The following FBH1 variants were observed in gnomAD, a reference collection of about 807,000 sequenced individuals.
FBH1 encodes F-box DNA helicase 1, also known as DNA 3'-5' helicase 1.
In FBH1, 43 loss-of-function variants were observed where a neutral mutation model predicts 115.5. The observed-to-expected ratio is 0.37, with a 90% CI of 0.29 to 0.48. The LOEUF (loss-of-function observed/expected upper bound fraction) is 0.48. FBH1 is among the 20% of genes least tolerant of loss of function. The pLI is 0.99. For synonymous variants in FBH1, 524 were observed against 507.8 expected (o/e 1.03, Z -0.43); for missense variants, 1,001 against 1,337.3 (o/e 0.75, Z 3.92).
rs1355863591 is a variant in FBH1, at chr10:5,913,093, G to C, written c.1212-654G>C. Among the ~76,000 whole-genome samples the C allele has an allele frequency of 1.3e-5, 2 of 152,106 alleles. No homozygotes were observed. The highest frequency in any genetic ancestry group is 4.8e-5 in the African/African-American group (2 of 41,408). On this transcript the variant is annotated intron_variant, in intron 6 of 20. Transcript: ENST00000362091. The surrounding 1 kb of genome is among the most constrained non-coding windows in gnomAD (Gnocchi z 4.4). ...CACAGTCCAGGGGAGACTTGGAGAG[G>C]CTTTGGAACGGCGTGTGCCAGCTGA...
rs1833071410 is a variant in FBH1, at chr10:5,933,252, G to A, written c.2830-3204G>A. Among the ~76,000 whole-genome samples, 1 of 152,152 alleles carries A rather than the reference G, an allele frequency of 6.6e-6. No individual in the cohort carries two copies. The highest frequency in any genetic ancestry group is 2.4e-5 in the African/African-American group (1 of 41,450). On this transcript the variant is annotated intron_variant, in intron 19 of 20. Coordinates refer to ENST00000362091, the MANE Select transcript of FBH1 (RefSeq NM_178150.3). The surrounding 1 kb of genome is among the most constrained non-coding windows in gnomAD (Gnocchi z 4.9). ...AAAATACAAAAATTAGCTGGGTGTA[G>A]TGGCGTATGCCTGTAATCCCAGCTA...
At position 5,925,211 on chromosome 10, in the gene FBH1, C is replaced by T. The variant is rs2132072612; in HGVS notation, c.2597-156C>T. On this transcript the variant is annotated intron_variant, in intron 17 of 20. Transcript: ENST00000362091. This position sits in a 1 kb window ranked among gnomAD's most constrained non-coding sequence, Gnocchi z 4.6. Reference sequence around the variant, plus strand: ...TTTCTGTTCCCGACAGTTGTCTGTTCCCGACAGTTGTTTCCTCTTTCCCCC... The same window carrying T: ...TTTCTGTTCCCGACAGTTGTCTGTTTCCGACAGTTGTTTCCTCTTTCCCCC... The T allele has an allele frequency of 1.2e-6, 1 of 867,316 alleles. No homozygotes were observed. The highest frequency in any genetic ancestry group is 1.7e-6 in the Non-Finnish European group (1 of 575,228). 53.7% of individuals were successfully genotyped at this position (867,316 alleles called of 1,614,324 possible). A position where few individuals can be genotyped will look rare whatever the true frequency, so the allele number is the denominator to read the frequency against.
At position 5,918,210 on chromosome 10, in the gene FBH1, T is replaced by C. The variant is rs1013762201; in HGVS notation, c.1964-132T>C. On this transcript the variant is annotated intron_variant, in intron 12 of 20. Coordinates refer to ENST00000362091, the MANE Select transcript of FBH1 (RefSeq NM_178150.3). This position sits in a 1 kb window ranked among gnomAD's most constrained non-coding sequence, Gnocchi z 4.0. ...GGCTGCTTTTGATGGAGTGTGCCTG[T>C]CCTACAGGAAAAGGCGACCGTGAGG... is the stretch of plus-strand genomic sequence containing the variant. 6 of 1,015,226 alleles carry C rather than the reference T, an allele frequency of 5.9e-6. No homozygotes were observed. The highest frequency in any genetic ancestry group is 4.9e-5 in the African/African-American group (3 of 60,990). The allele number at this position is 1,015,226 out of a possible 1,614,324, so 62.9% of individuals were successfully genotyped here.
At chr10:5,927,814 G>A (rs1465236134) in intron 19 of FBH1, among the ~76,000 whole-genome samples, 2 of 151,930 alleles carry the variant, frequency 1.3e-5, no homozygotes, top group East Asian at 3.9e-4. Context: ...GCTTATGCCT[G>A]TAATCCCAGC....
chr10:5,906,182 T>C lies in FBH1; in HGVS notation c.303T>C (p.Cys101=). 1.2e-6 allele frequency: 2 copies of C among 1,613,802 alleles called. No homozygotes were observed. Among genetic ancestry groups the C allele is most frequent in the Non-Finnish European group, 1.7e-6 (2 of 1,179,870 alleles). The change falls in exon 3 of 21, where the codon TGT becomes TGC. Residue 101 remains cysteine (C), a synonymous_variant. Transcript: ENST00000362091. This position sits in a 1 kb window ranked among gnomAD's most constrained non-coding sequence, Gnocchi z 7.3. ...GDMIFPAESS[C]ALPQEGSAGP... is the part of the protein sequence containing the mutation. The stretch of plus-strand genomic sequence containing the variant: ...TGATCTTTCCTGCAGAGAGCAGCTG[T>C]GCACTGCCTCAGGAAGGCAGTGCAG...
rs957435980 is a variant in FBH1 at position 5,932,556 on chromosome 10, C to T, written c.2830-3900C>T. 1.3e-5 allele frequency among the ~76,000 whole-genome samples: 2 copies of T among 152,226 alleles called. No individual in the cohort carries two copies. The highest frequency in any genetic ancestry group is 3.8e-4 in the East Asian group (2 of 5,196). On this transcript the variant is annotated intron_variant, in intron 19 of 20. Coordinates refer to ENST00000362091, the MANE Select transcript of FBH1 (RefSeq NM_178150.3). This position sits in a 1 kb window ranked among gnomAD's most constrained non-coding sequence, Gnocchi z 5.9. ...CACTGTGATTTATGCCGTTCTCGCT[C>T]ATGGACGTGGTCACTTCCAGCCTTT...
rs746910705 is a variant in FBH1 at position 5,921,363 on chromosome 10, G to T, written c.2200+6G>T. ...GGTTGGAGGAAACCATCAGAGTAAG[G>T]CTTTTAGTTACTCTTCTCTTTTGTG... On this transcript the variant is annotated splice_donor_region_variant and intron_variant, in intron 14 of 20. Transcript: ENST00000362091. The surrounding 1 kb of genome is among the most constrained non-coding windows in gnomAD (Gnocchi z 6.4). 2 of 1,613,620 alleles carry T rather than the reference G, an allele frequency of 1.2e-6. No individual in the cohort carries two copies. The highest frequency in any genetic ancestry group is 8.5e-7 in the Non-Finnish European group (1 of 1,179,840).
At chr10:5,927,368 A>T in intron 18 of FBH1, 67 bp from the exon 19 acceptor site, 1 of 1,150,526 alleles carries the variant, frequency 8.7e-7, no homozygotes, top group African/African-American at 1.6e-5. Context: ...CATTTAGATG[A>T]GACATAAGGT....
At chr10:5,908,084 T>A (rs1020439551) in intron 3 of FBH1, among the ~76,000 whole-genome samples, 4 of 152,356 alleles carry the variant, frequency 2.6e-5, no homozygotes, top group African/African-American at 9.6e-5. Context: ...GTCTGGTTGT[T>A]CCATCCATCA....
At position 5,921,836 on chromosome 10, in the gene FBH1, G is replaced by A. The variant is rs1353438189; in HGVS notation, c.2322+267G>A. Among the ~76,000 whole-genome samples the A allele has an allele frequency of 1.3e-5, 2 of 152,216 alleles. No homozygotes were observed. Among genetic ancestry groups the A allele is most frequent in the Non-Finnish European group, 1.5e-5 (1 of 68,040 alleles). ...TGAATGCCCTTCTTCCCTTGGCAAT[G>A]CCAGTGAGGCCGCGGGTTACTGGAA... On this transcript the variant is annotated intron_variant, in intron 15 of 20. Transcript: ENST00000362091. The surrounding 1 kb of genome is among the most constrained non-coding windows in gnomAD (Gnocchi z 6.4).
intron 1 of FBH1, among the ~76,000 whole-genome samples, chr10:5,896,089 A>G (rs992792827): frequency 6.6e-6 from 1 of 152,226 alleles, no homozygotes; most frequent in African/African-American, 2.4e-5. Flanking sequence ...CTGCGACTGC[A>G]GGAGTGTCTC....
Position 5,936,230 on chromosome 10 carries a change from A to AAT in FBH1, c.2830-215_2830-214dup, listed in dbSNP as rs987103260. 28 of 334,782 alleles carry AAT rather than the reference A, an allele frequency of 8.4e-5. No homozygotes were observed. The highest frequency in any genetic ancestry group is 1.4e-4 in the African/African-American group (7 of 48,974). The allele number at this position is 334,782 out of a possible 1,614,324, so 20.7% of individuals were successfully genotyped here. A position where few individuals can be genotyped will look rare whatever the true frequency, so the allele number is the denominator to read the frequency against. ...AATAGTTTTGCATGTTTATCTGTTAAATATATATATATTTAAAAAGCAATT... is the reference window on the plus strand; with the variant it reads ...AATAGTTTTGCATGTTTATCTGTTAAATATATATATATATTTAAAAAGCAATT... On this transcript the variant is annotated intron_variant, in intron 19 of 20. Coordinates refer to ENST00000362091, the MANE Select transcript of FBH1 (RefSeq NM_178150.3). This position sits in a 1 kb window ranked among gnomAD's most constrained non-coding sequence, Gnocchi z 5.6.
At chr10:5,920,628 G>A (rs1275614058) in intron 13 of FBH1, among the ~76,000 whole-genome samples, 2 of 152,210 alleles carry the variant, frequency 1.3e-5, no homozygotes, top group Non-Finnish European at 2.9e-5. Context: ...TAGCAACAAA[G>A]TAGTGTTTGT....
Position 5,914,303 on chromosome 10 carries a change from G to A in FBH1, c.1396+34G>A, listed in dbSNP as rs753399521. The A allele has an allele frequency of 8.2e-6, 13 of 1,593,858 alleles. No homozygotes were observed. The South Asian group carries it at 1.4e-4, about 18-fold the overall frequency. On this transcript the variant is annotated intron_variant, in intron 8 of 20. Coordinates refer to ENST00000362091, the MANE Select transcript of FBH1 (RefSeq NM_178150.3). This position sits in a 1 kb window ranked among gnomAD's most constrained non-coding sequence, Gnocchi z 5.2. ...GCCCACATCAGGTTCACGAGGTGGT[G>A]GTTTTCTGCCTTTTCTCCCTACATC... is the stretch of plus-strand genomic sequence containing the variant.
rs1042211436 is a variant in FBH1 at position 5,897,205 on chromosome 10, A to G, written c.2-5815A>G. On this transcript the variant is annotated intron_variant, in intron 1 of 20. Transcript: ENST00000362091. The surrounding 1 kb of genome is among the most constrained non-coding windows in gnomAD (Gnocchi z 4.7). ...ATGTGGGTGGCTTGAGTACTTACATATATATTGTCTCATTCTCTGAATTCA... is the reference window on the plus strand; with the variant it reads ...ATGTGGGTGGCTTGAGTACTTACATGTATATTGTCTCATTCTCTGAATTCA... Among the ~76,000 whole-genome samples, 2 of 152,158 alleles carry G rather than the reference A, an allele frequency of 1.3e-5. No individual in the cohort carries two copies. The highest frequency in any genetic ancestry group is 6.5e-5 in the Admixed American group (1 of 15,286).
intron 18 of FBH1, among the ~76,000 whole-genome samples, chr10:5,926,922 C>A (rs779140091): frequency 6.6e-6 from 1 of 152,212 alleles, no homozygotes; most frequent in African/African-American, 2.4e-5. Context: ...ACATAGCACA[C>A]CTGTGTGTCT....
At position 5,902,918 on chromosome 10, in the gene FBH1, C is replaced by T. The variant is rs376065730; in HGVS notation, c.2-102C>T. 16 of 1,143,438 alleles carry T rather than the reference C, an allele frequency of 1.4e-5. No homozygotes were observed. In the South Asian group the frequency reaches 2.5e-4, roughly 18 times the overall value. 70.8% of individuals were successfully genotyped at this position (1,143,438 alleles called of 1,614,324 possible). A position where few individuals can be genotyped will look rare whatever the true frequency, so the allele number is the denominator to read the frequency against. On this transcript the variant is annotated intron_variant, in intron 1 of 20. Transcript: ENST00000362091. ...CGGTTGGCTGGGGTGTTGACAAAATCGTGTCACTATGCAGAAACTTGAGTA... is the reference window on the plus strand; with the variant it reads ...CGGTTGGCTGGGGTGTTGACAAAATTGTGTCACTATGCAGAAACTTGAGTA...
At position 5,895,744 on chromosome 10, in the gene FBH1, G is replaced by A. The variant is rs7900604; in HGVS notation, c.1+5398G>A. Among the ~76,000 whole-genome samples the A allele has an allele frequency of 8.1e-3, 1,240 of 152,212 alleles. 9 individuals carry two copies. Among genetic ancestry groups the A allele is most frequent in the Admixed American group, 0.016 (239 of 15,290 alleles). On this transcript the variant is annotated intron_variant, in intron 1 of 20. Transcript: ENST00000362091. This position sits in a 1 kb window ranked among gnomAD's most constrained non-coding sequence, Gnocchi z 5.0. ...GGAGGCTCTTCTATTTTGAACACCC[G>A]GCTTCTAAGGATGTCCTGGGAATCA...
chr10:5,902,871 G>T, intron 1 of FBH1, 149 bp from the exon 2 acceptor site: 1 of 562,192 alleles, frequency 1.8e-6, no homozygotes, highest in Non-Finnish European at 2.9e-6. Context: ...GGACAAAGTT[G>T]GGGGGCAAGG....
Sources: allele counts gnomAD v4.1 joint callset (sites outside exome capture counted in the v4.1 genomes callset), GRCh38; gene constraint gnomAD v4.1.1; non-coding constraint Gnocchi (gnomAD v3.1); transcripts MANE v1.5; gene names NCBI Gene and HGNC (gene_info 2026-07-23, HGNC 2026-07-21).